Variants in TFEC observed in about 807,000 individuals in gnomAD.
TFEC encodes transcription factor EC, also known as class E basic helix-loop-helix protein 34.
Under a neutral mutation model 41.6 loss-of-function variants are expected in TFEC, and 31 were observed. The ratio of observed to expected loss-of-function variants is 0.74; its 90% CI spans 0.56 to 1.01. The LOEUF is 1.01. Ranked by LOEUF, TFEC falls within the 50% of genes least tolerant of loss-of-function variation. The probability of loss-of-function intolerance (pLI) is 0.00; values close to 1 mark genes in which losing one functional copy is unlikely to be tolerated. For missense variants in TFEC, 402 were observed against 404.1 expected, an observed-to-expected ratio of 0.99 and a Z score of 0.04; for synonymous variants, 143 against 140.6, an observed-to-expected ratio of 1.02 and a Z score of -0.12.
At chr7:116,113,364 A>G (rs2116120399) in intron 1 of TFEC, among the ~76,000 whole-genome samples, 1 of 152,078 alleles carries the variant, frequency 6.6e-6, no homozygotes, top group African/African-American at 2.4e-5. Context: ...AAGAATCCCA[A>G]GTGATGAAGA....
chr7:116,088,088 T>C (rs1797241157), intron 3 of TFEC, among the ~76,000 whole-genome samples: 2 of 152,206 alleles, frequency 1.3e-5, no homozygotes, highest in South Asian at 4.1e-4. Context: ...ATCTCTCCTG[T>C]TACACCTACT....
At position 116,029,209 on chromosome 7, in the gene TFEC, T is replaced by C. The variant is rs1795698979; in HGVS notation, c.-73+1424A>G. On this transcript the variant is annotated intron_variant, in intron 1 of 7. Transcript: ENST00000265440. ...GTAATAATAACCCAAACCAAGGAAA[T>C]AGACATGAAAATTATATGTATTCCA... Among the ~76,000 whole-genome samples, 4 of 151,392 alleles carry C rather than the reference T, an allele frequency of 2.6e-5. No homozygotes were observed. The South Asian group carries it at 6.2e-4, about 24-fold the overall frequency.
chr7:116,101,258 T>C (rs1032958628), intron 3 of TFEC, among the ~76,000 whole-genome samples: 7 of 129,066 alleles, frequency 5.4e-5, no homozygotes, highest in Non-Finnish European at 1.1e-4. Flanking sequence ...AGACTGACAA[T>C]GAATGACAAA....
intron 1 of TFEC, among the ~76,000 whole-genome samples, chr7:116,002,326 C>T (rs1378436280): frequency 2.0e-4 from 31 of 152,114 alleles, no homozygotes; most frequent in Admixed American, 1.8e-3. Context: ...CATATACACA[C>T]TGGAGTACTA....
chr7:116,119,940 A>G (rs1798074808), intron 1 of TFEC, among the ~76,000 whole-genome samples: 1 of 151,734 alleles, frequency 6.6e-6, no homozygotes, highest in South Asian at 2.1e-4. Flanking sequence ...TTACATTGGA[A>G]ATGCTTACAA....
chr7:116,069,431 T>C (rs561125336), intron 3 of TFEC, among the ~76,000 whole-genome samples: 1 of 151,814 alleles, frequency 6.6e-6, no homozygotes, highest in African/African-American at 2.4e-5. Context: ...TACATATTCC[T>C]TCTTTCTGCT....
At chr7:115,979,117 T>TA (rs963896672) in intron 2 of TFEC, among the ~76,000 whole-genome samples, 2 of 152,112 alleles carry the variant, frequency 1.3e-5, no homozygotes, top group Non-Finnish European at 2.9e-5. Flanking sequence ...ACAATAGAAA[T>TA]AGACTCCCAG....
chr7:116,053,460 T>G (rs1026576288), intron 3 of TFEC, among the ~76,000 whole-genome samples: 1 of 152,224 alleles, frequency 6.6e-6, no homozygotes, highest in Non-Finnish European at 1.5e-5. Flanking sequence ...AGTGTAGTGT[T>G]GATACGGTTT....
chr7:116,042,139 T>C (rs1196057124), intron 3 of TFEC, among the ~76,000 whole-genome samples: 1 of 152,132 alleles, frequency 6.6e-6, no homozygotes, highest in East Asian at 1.9e-4. Context: ...AGAGTATAGA[T>C]GGAAAAGTGA....
intron 3 of TFEC, among the ~76,000 whole-genome samples, chr7:116,108,445 C>T (rs561393142): frequency 6.6e-6 from 1 of 152,224 alleles, no homozygotes; most frequent in South Asian, 2.1e-4. Flanking sequence ...TTTCTTTCAT[C>T]GAATTTATTT....
intron 3 of TFEC, among the ~76,000 whole-genome samples, chr7:116,099,159 C>T (rs2115934975): frequency 6.6e-6 from 1 of 152,272 alleles, no homozygotes; most frequent in African/African-American, 2.4e-5. Context: ...TGGCAAACCA[C>T]ATGTCCTACA....
chr7:116,119,865 T>A (rs1798072756), intron 1 of TFEC, among the ~76,000 whole-genome samples: 1 of 151,674 alleles, frequency 6.6e-6, no homozygotes, highest in Non-Finnish European at 1.5e-5. Flanking sequence ...GGAAACTATA[T>A]AAATCCAGGA....
chr7:115,972,332 A>T (rs1793171085), intron 3 of TFEC, among the ~76,000 whole-genome samples: 1 of 152,144 alleles, frequency 6.6e-6, no homozygotes, highest in Non-Finnish European at 1.5e-5. Context: ...GATATCAATT[A>T]AAACAGCCTT....
At chr7:115,990,483 G>A (rs1331764439) in intron 1 of TFEC, among the ~76,000 whole-genome samples, 1 of 152,142 alleles carries the variant, frequency 6.6e-6, no homozygotes, top group African/African-American at 2.4e-5. Context: ...TAAAAACCTT[G>A]AAAAGAGATT....
intron 1 of TFEC, among the ~76,000 whole-genome samples, chr7:116,007,247 C>T (rs1208496743): frequency 1.3e-5 from 2 of 152,086 alleles, no homozygotes; most frequent in African/African-American, 4.8e-5. Context: ...TCAGGTATCA[C>T]TCTCTGATAA....
At chr7:116,042,159 T>G (rs905826334) in intron 3 of TFEC, among the ~76,000 whole-genome samples, 6 of 152,176 alleles carry the variant, frequency 3.9e-5, no homozygotes, top group South Asian at 2.1e-4. Flanking sequence ...AAAATGACAT[T>G]TCTAGCACAA....
At chr7:116,049,840 C>A (rs1021073547) in intron 3 of TFEC, among the ~76,000 whole-genome samples, 6 of 152,192 alleles carry the variant, frequency 3.9e-5, no homozygotes, top group Admixed American at 6.5e-5. Context: ...CAAAACCACA[C>A]AACTACATGG....
upstream of TFEC, among the ~76,000 whole-genome samples, chr7:116,032,178 C>T (rs1054015234): frequency 2.6e-5 from 4 of 152,118 alleles, no homozygotes; most frequent in African/African-American, 9.7e-5. Context: ...GAATAAGCAT[C>T]TATTTGTTAA....
In TFEC at chr7:115,938,593, A is replaced by G. The variant is rs1352480914; in HGVS notation, c.*1958T>C. On this transcript the variant is annotated 3_prime_UTR_variant, in exon 8 of 8. Coordinates refer to ENST00000265440, the MANE Select transcript of TFEC (RefSeq NM_012252.4). ...GAGCAAATGATACAAGCTAAGCCTG[A>G]GATAATTATTATACCATAATGATTT... 6.6e-6 allele frequency: 1 copy of G among 151,906 alleles called. No individual in the cohort carries two copies. Among genetic ancestry groups the G allele is most frequent in the African/African-American group, 2.4e-5 (1 of 41,398 alleles). The allele number at this position is 151,906 out of a possible 1,614,324, so 9.4% of individuals were successfully genotyped here.
Sources: allele counts gnomAD v4.1 joint callset (sites outside exome capture counted in the v4.1 genomes callset), GRCh38; gene constraint gnomAD v4.1.1; transcripts MANE v1.5; gene names NCBI Gene and HGNC (gene_info 2026-07-23, HGNC 2026-07-21).